DHRSX: variants seen among roughly 807,000 people sequenced by gnomAD.
DHRSX encodes polyprenol dehydrogenase.
A neutral mutation model predicts 34.0 loss-of-function variants in DHRSX; 31 were observed. The observed-to-expected ratio is 0.91, with a 90% CI of 0.69 to 1.23. The LOEUF (loss-of-function observed/expected upper bound fraction) is 1.23. Ranked by LOEUF, DHRSX falls within the 50% of genes most tolerant of loss-of-function variation. DHRSX has a pLI of 0.00. For missense variants in DHRSX, 414 were observed against 428.1 expected, an observed-to-expected ratio of 0.97 and a Z score of 0.29; for synonymous variants, 201 against 183.8, an observed-to-expected ratio of 1.09 and a Z score of -0.76.
chrX:2,496,210 T>G (rs112989979), intron 1 of DHRSX, among the ~76,000 whole-genome samples: 2 of 150,892 alleles, frequency 1.3e-5, no homozygotes, highest in Non-Finnish European at 2.9e-5. Context: ...GTTTTTTTGG[T>G]TTTTTTGAGA....
intron 3 of DHRSX, among the ~76,000 whole-genome samples, chrX:2,355,836 T>C (rs1161976857): frequency 6.6e-6 from 1 of 151,520 alleles, no homozygotes; most frequent in Non-Finnish European, 1.5e-5. Context: ...GAGGTTGAGG[T>C]GGGCAGATCA....
At chrX:2,349,296 C>T (rs1602986900) in intron 3 of DHRSX, among the ~76,000 whole-genome samples, 2 of 151,766 alleles carry the variant, frequency 1.3e-5, no homozygotes, top group African/African-American at 2.4e-5. Context: ...CAGCTGGGTG[C>T]GGTGGCTCAG....
intron 5 of DHRSX, among the ~76,000 whole-genome samples, chrX:2,266,275 G>A (rs1465114358): frequency 7.8e-4 from 57 of 73,526 alleles, no homozygotes; most frequent in Admixed American, 1.9e-3. Flanking sequence ...TCAGAGCACC[G>A]GTGTACAGCA....
intron 1 of DHRSX, among the ~76,000 whole-genome samples, chrX:2,437,386 A>C (rs1461670451): frequency 6.6e-6 from 1 of 151,998 alleles, no homozygotes; most frequent in Admixed American, 6.6e-5. Context: ...TAGAAAAATC[A>C]CTAGGTCAGA....
intron 6 of DHRSX, among the ~76,000 whole-genome samples, chrX:2,239,723 C>T (rs1357363365): frequency 6.6e-6 from 1 of 151,776 alleles, no homozygotes; most frequent in Non-Finnish European, 1.5e-5. Context: ...GAGCTGAGAT[C>T]GCGCCAACGC....
intron 3 of DHRSX, among the ~76,000 whole-genome samples, chrX:2,336,653 G>A (rs2042569227): frequency 6.6e-6 from 1 of 150,972 alleles, no homozygotes; most frequent in South Asian, 2.1e-4. Context: ...AGGCTGGAGT[G>A]CAAAGGCATG....
chrX:2,476,671 T>C (rs1172464888), intron 1 of DHRSX, among the ~76,000 whole-genome samples: 1 of 152,106 alleles, frequency 6.6e-6, no homozygotes, highest in Non-Finnish European at 1.5e-5. Context: ...AAAGAAAAGG[T>C]GGTGTACATA....
intron 1 of DHRSX, among the ~76,000 whole-genome samples, chrX:2,471,171 G>A (rs2044587078): frequency 6.6e-6 from 1 of 152,156 alleles, no homozygotes; most frequent in East Asian, 1.9e-4. Context: ...AAGGACAGCT[G>A]TGACATATTT....
At chrX:2,489,558 C>T (rs894732929) in intron 1 of DHRSX, 2 of 1,612,638 alleles carry the variant, frequency 1.2e-6, no homozygotes, top group Non-Finnish European at 1.7e-6. Context: ...CACTCGCTGG[C>T]CTCCAGCATG....
rs1260108050 is a variant in DHRSX, at chrX:2,294,840, CAAAG to C, written c.287-3241_287-3238del. 8.0e-5 allele frequency among the ~76,000 whole-genome samples: 12 copies of C among 150,160 alleles called. No individual in the cohort carries two copies. The East Asian group carries it at 1.6e-3, about 20-fold the overall frequency. On this transcript the variant is annotated intron_variant, in intron 3 of 6. Transcript: ENST00000334651. ...AGAGGGAGAGAGAGAGGGAGAAAGA[CAAAG>C]AGAGCAGACAGAAAAAGAAAGAGAA...
At chrX:2,249,848 C>G (rs1171859895) in intron 5 of DHRSX, among the ~76,000 whole-genome samples, 2 of 150,768 alleles carry the variant, frequency 1.3e-5, no homozygotes, top group Non-Finnish European at 3.0e-5. Flanking sequence ...AGTAACATCA[C>G]TACTTGAAAT....
intron 3 of DHRSX, among the ~76,000 whole-genome samples, chrX:2,322,349 G>A (rs1424679773): frequency 6.6e-6 from 1 of 151,964 alleles, no homozygotes; most frequent in Non-Finnish European, 1.5e-5. Context: ...AGGAGTTCAA[G>A]ACCAGCCTGA....
chrX:2,352,069 AG>A (rs2042795313), intron 3 of DHRSX, among the ~76,000 whole-genome samples: 1 of 152,036 alleles, frequency 6.6e-6, no homozygotes, highest in East Asian at 1.9e-4. Context: ...GCCCCCTAAA[AG>A]CACCATTGGA....
chrX:2,330,173 A>AG (rs1380205953), intron 3 of DHRSX, among the ~76,000 whole-genome samples: 1 of 136,252 alleles, frequency 7.3e-6, no homozygotes, highest in Non-Finnish European at 1.6e-5. Flanking sequence ...AGGAGGTGAA[A>AG]GAGGAGGAGG....
chrX:2,299,014 A>AAAAAAAAAAAAAT (rs1191716751), intron 3 of DHRSX, among the ~76,000 whole-genome samples: 1 of 131,548 alleles, frequency 7.6e-6, no homozygotes, highest in African/African-American at 3.1e-5. Context: ...AAAAAAAAAA[A>AAAAAAAAAAAAAT]TGGGAAAAAT....
intron 3 of DHRSX, among the ~76,000 whole-genome samples, chrX:2,372,357 C>T (rs760045558): frequency 3.9e-4 from 59 of 152,242 alleles, no homozygotes; most frequent in African/African-American, 1.4e-3. Flanking sequence ...CTCCCAGACG[C>T]GCCCCACAGC....
intron 3 of DHRSX, among the ~76,000 whole-genome samples, chrX:2,298,626 A>ACACACGCACACACACG (rs2041971496): frequency 1.0e-5 from 1 of 97,342 alleles, no homozygotes; most frequent in African/African-American, 3.0e-5. Context: ...ACACACACAC[A>ACACACGCACACACACG]CACACACACA....
chrX:2,288,035 G>C (rs1274338670), intron 4 of DHRSX, among the ~76,000 whole-genome samples: 2 of 152,088 alleles, frequency 1.3e-5, no homozygotes, highest in African/African-American at 4.8e-5. Context: ...CTTGAGATGA[G>C]GTGATTATCT....
chrX:2,361,052 G>A (rs12855151), intron 3 of DHRSX, among the ~76,000 whole-genome samples: 4,046 of 152,164 alleles, frequency 0.027, 83 homozygotes, highest in Middle Eastern at 0.051. Context: ...TGGCTGGAGC[G>A]TTGGCTTTGG....
Sources: gnomAD v4.1 joint callset for allele counts (sites outside exome capture counted in the v4.1 genomes callset) on GRCh38, gnomAD v4.1.1 for gene constraint, MANE v1.5 for transcripts, NCBI Gene and HGNC (gene_info 2026-07-23, HGNC 2026-07-21) for gene names.